Variants in F13B observed in about 807,000 individuals in gnomAD.
F13B encodes the protein TGase.
A neutral mutation model predicts 79.8 loss-of-function variants in F13B; 58 were observed. The ratio of observed to expected loss-of-function variants is 0.73; its 90% confidence interval spans 0.59 to 0.90. F13B has a LOEUF of 0.90. F13B is among the 40% of genes least tolerant of loss of function. The probability of loss-of-function intolerance (pLI) is 0.00; values close to 1 mark genes in which losing one functional copy is unlikely to be tolerated. For synonymous variants in F13B, 283 were observed against 260.3 expected (o/e 1.09, Z -0.84); for missense variants, 773 against 777.0 (o/e 0.99, Z 0.06).
rs1655802086 is a variant in F13B at position 197,060,264 on chromosome 1, A to G, written c.805+102T>C. 10 of 802,554 alleles carry G rather than the reference A, an allele frequency of 1.2e-5. No homozygotes were observed. The Admixed American group carries it at 2.2e-4, about 17-fold the overall frequency. The allele number at this position is 802,554 out of a possible 1,614,324, so 49.7% of individuals were successfully genotyped here. Reference sequence around the variant, plus strand: ...AATATTTATTTTAAAAATAGGACTCAGGAAAAAAAATAGATATGACCACAG... The same window carrying G: ...AATATTTATTTTAAAAATAGGACTCGGGAAAAAAAATAGATATGACCACAG... On this transcript the variant is annotated intron_variant, in intron 5 of 11. Transcript: ENST00000367412.
At chr1:197,056,504 T>C (rs988112787) in intron 7 of F13B, among the ~76,000 whole-genome samples, 2 of 151,678 alleles carry the variant, frequency 1.3e-5, no homozygotes, top group African/African-American at 4.8e-5. Flanking sequence ...TTCAGTAAAA[T>C]GAAAGACCAG....
At chr1:197,045,060 A>G (rs1655178393) in intron 10 of F13B, among the ~76,000 whole-genome samples, 2 of 152,188 alleles carry the variant, frequency 1.3e-5, no homozygotes, top group Non-Finnish European at 2.9e-5. Flanking sequence ...AATGCAGGAA[A>G]GATCTAAAAT....
rs1170795690 is a variant in F13B, at chr1:197,038,920, T to C, written c.*458A>G. 2.0e-5 allele frequency among the ~76,000 whole-genome samples: 3 copies of C among 152,088 alleles called. No homozygotes were observed. Among genetic ancestry groups the C allele is most frequent in the Admixed American group, 1.3e-4 (2 of 15,264 alleles). ...GAAGGGCAGTCTCTTCTGCCTTTAA[T>C]AAGGCAGATCCTCTAATACAGCATA... On this transcript the variant is annotated 3_prime_UTR_variant, in exon 12 of 12. Coordinates refer to ENST00000367412, the MANE Select transcript of F13B (RefSeq NM_001994.3).
chr1:197,057,578 T>G, intron 5 of F13B, 113 bp from the exon 6 acceptor site: 1 of 1,142,294 alleles, frequency 8.8e-7, no homozygotes, highest in Admixed American at 2.0e-5. Flanking sequence ...AGACTGATTC[T>G]AGGAGCATTC....
chr1:197,061,731 C>A, intron 3 of F13B, 53 bp downstream of exon 3: 1 of 1,413,328 alleles, frequency 7.1e-7, no homozygotes, highest in Non-Finnish European at 1.0e-6. Context: ...TCAATATATT[C>A]AATATAAGCT....
intron 10 of F13B, among the ~76,000 whole-genome samples, chr1:197,044,459 T>C (rs974780693): frequency 2.0e-5 from 3 of 152,132 alleles, no homozygotes; most frequent in African/African-American, 7.2e-5. Context: ...AAGAACTAAC[T>C]ATTCTAAATA....
chr1:197,041,252 C>T (rs1221461991), intron 10 of F13B, among the ~76,000 whole-genome samples: 1 of 152,110 alleles, frequency 6.6e-6, no homozygotes, highest in African/African-American at 2.4e-5. Flanking sequence ...AGTTACTTCT[C>T]TTTCAAATTT....
intron 8 of F13B, among the ~76,000 whole-genome samples, chr1:197,054,118 A>T (rs1267020871): frequency 6.6e-6 from 1 of 152,138 alleles, no homozygotes. Flanking sequence ...TGCCCTGATA[A>T]CAATGATTAA....
chr1:197,046,628 C>A (rs1038349281), intron 10 of F13B, among the ~76,000 whole-genome samples: 2 of 152,124 alleles, frequency 1.3e-5, no homozygotes, highest in African/African-American at 2.4e-5. Flanking sequence ...ATCAAACTAC[C>A]ATTGACTTTC....
intron 1 of F13B, among the ~76,000 whole-genome samples, chr1:197,064,294 A>T (rs1655972425): frequency 6.6e-6 from 1 of 152,126 alleles, no homozygotes; most frequent in African/African-American, 2.4e-5. Context: ...ATTACCCAAT[A>T]AAAAAAGCAC....
intron 11 of F13B, 181 bp downstream of exon 11, chr1:197,040,341 C>A: frequency 1.8e-6 from 1 of 569,242 alleles, no homozygotes; most frequent in Non-Finnish European, 3.1e-6. Context: ...ATTCAGAAGG[C>A]CTGTTGAATT....
intron 10 of F13B, among the ~76,000 whole-genome samples, chr1:197,042,450 C>T (rs781674286): frequency 1.3e-4 from 19 of 151,878 alleles, no homozygotes; most frequent in African/African-American, 2.4e-4. Context: ...GGAAGCATTT[C>T]GAGGTATCAG....
At chr1:197,042,003 T>C (rs1655053988) in intron 10 of F13B, among the ~76,000 whole-genome samples, 1 of 152,216 alleles carries the variant, frequency 6.6e-6, no homozygotes, top group East Asian at 1.9e-4. Flanking sequence ...AAGGATGGAA[T>C]GGCATGAAAT....
chr1:197,066,864 G>A (rs1391986196), intron 1 of F13B, among the ~76,000 whole-genome samples: 1 of 152,000 alleles, frequency 6.6e-6, no homozygotes, highest in Non-Finnish European at 1.5e-5. Flanking sequence ...ACTTCGAAAT[G>A]GACATATTGT....
rs571095791 is a variant in F13B at position 197,050,891 on chromosome 1, A to G, written c.1556-12T>C. 2 of 1,607,464 alleles carry G rather than the reference A, an allele frequency of 1.2e-6. No individual in the cohort carries two copies. Among genetic ancestry groups the G allele is most frequent in the Middle Eastern group, 1.7e-4 (1 of 6,030 alleles). On this transcript the variant is annotated splice_polypyrimidine_tract_variant and intron_variant, in intron 9 of 11. Transcript: ENST00000367412. ...CATTCCTTTAGATTCTGCAAAAATAAGTTTTAAAGTATACAATGAATTGCT... is the reference window on the plus strand; with the variant it reads ...CATTCCTTTAGATTCTGCAAAAATAGGTTTTAAAGTATACAATGAATTGCT...
intron 10 of F13B, among the ~76,000 whole-genome samples, chr1:197,048,916 A>C (rs927871842): frequency 6.6e-6 from 1 of 152,136 alleles, no homozygotes; most frequent in Non-Finnish European, 1.5e-5. Context: ...GATATAATTC[A>C]AAGTATGTCT....
chr1:197,050,743 C>T lies in F13B; in HGVS notation c.1692G>A (p.Glu564=). 4 of 1,613,190 alleles carry T rather than the reference C, an allele frequency of 2.5e-6. No individual in the cohort carries two copies. The highest frequency in any genetic ancestry group is 3.4e-6 in the Non-Finnish European group (4 of 1,179,550). ...FDHHFLEGSR[E]AYCLDGMWTT... ...TCCACATTCCATCTAAACAATAGGC[C>T]TCCCTAGATCCTTCTAGGAAATGGT... Residue 564 remains glutamate (E), a synonymous_variant, in exon 10 of 12, where the codon GAG becomes GAA. Transcript: ENST00000367412.
intron 7 of F13B, among the ~76,000 whole-genome samples, chr1:197,056,674 C>T (rs17514606): frequency 0.015 from 2,295 of 152,212 alleles, 52 homozygotes; most frequent in African/African-American, 0.049. Flanking sequence ...TCCACCATGC[C>T]CTTATTTACT....
chr1:197,063,933 A>G (rs906645904), intron 1 of F13B, among the ~76,000 whole-genome samples: 1 of 152,172 alleles, frequency 6.6e-6, no homozygotes, highest in Non-Finnish European at 1.5e-5. Flanking sequence ...TCCTTAACAT[A>G]TGCTAACTCA....
Sources: allele counts gnomAD v4.1 joint callset (sites outside exome capture counted in the v4.1 genomes callset), GRCh38; gene constraint gnomAD v4.1.1; transcripts MANE v1.5; gene names NCBI Gene and HGNC (gene_info 2026-07-23, HGNC 2026-07-21).